ARHGAP26: variants seen among roughly 807,000 people sequenced by gnomAD.
The protein encoded by ARHGAP26 is Rho GTPase activating protein 26.
In ARHGAP26, 38 loss-of-function variants were observed where a neutral mutation model predicts 104.8. The observed-to-expected ratio is 0.36, with a 90% CI of 0.28 to 0.48. ARHGAP26 has a LOEUF of 0.48. Among genes scored for constraint, ARHGAP26 ranks in the 20% least tolerant of loss-of-function variants. The pLI, the probability that ARHGAP26 is intolerant of heterozygous loss-of-function variation, is 0.99. For synonymous variants in ARHGAP26, 341 were observed against 340.0 expected (o/e 1.00, Z -0.03); for missense variants, 704 against 947.9 (o/e 0.74, Z 3.38).
chr5:143,105,804 C>T (rs1239806406), intron 17 of ARHGAP26, among the ~76,000 whole-genome samples: 4 of 152,148 alleles, frequency 2.6e-5, no homozygotes, highest in African/African-American at 4.8e-5. Flanking sequence ...TGCACCGGGG[C>T]GTTATGGGAA....
chr5:142,862,118 T>G (rs1045927551), intron 1 of ARHGAP26, among the ~76,000 whole-genome samples: 3 of 152,170 alleles, frequency 2.0e-5, no homozygotes, highest in Admixed American at 6.5e-5. Context: ...TGTTCTTTGC[T>G]AGAGAAAGCT....
At chr5:143,165,227 G>C (rs942143665) in intron 20 of ARHGAP26, 2 of 152,242 alleles carry the variant, frequency 1.3e-5, no homozygotes, top group Non-Finnish European at 2.9e-5. Flanking sequence ...AGCTGGGGTC[G>C]AATCAGGGCC....
chr5:143,009,873 T>G (rs1418597654), intron 11 of ARHGAP26, among the ~76,000 whole-genome samples: 2 of 152,214 alleles, frequency 1.3e-5, no homozygotes, highest in Non-Finnish European at 2.9e-5. Context: ...TGTTTCAGTC[T>G]TCTGAGGAGC....
Position 143,193,240 on chromosome 5 carries a change from C to CTTTTTTTTTTTTTTTT in ARHGAP26, c.1989-13948_1989-13933dup, listed in dbSNP as rs57462040. Among the ~76,000 whole-genome samples the CTTTTTTTTTTTTTTTT allele has an allele frequency of 5.4e-5, 4 of 74,622 alleles. 1 individual carries two copies. The highest frequency in any genetic ancestry group is 1.8e-4 in the African/African-American group (3 of 16,906). The allele number at this position is 74,622 out of a possible 152,430, so 49.0% of individuals were successfully genotyped here. ...GGTATTACAGTGCTTATTTTCTTTTCTTTTTTTTTTTTTTTTTTTTTTTTT... is the reference window on the plus strand; with the variant it reads ...GGTATTACAGTGCTTATTTTCTTTTCTTTTTTTTTTTTTTTTTTTTTTTTTTTTTTTTTTTTTTTTT... On this transcript the variant is annotated intron_variant, in intron 20 of 22. Transcript: ENST00000645722.
At chr5:142,844,711 C>G (rs569908324) in intron 1 of ARHGAP26, among the ~76,000 whole-genome samples, 4 of 151,934 alleles carry the variant, frequency 2.6e-5, no homozygotes, top group African/African-American at 9.7e-5. Context: ...AAAAATTAGC[C>G]GGGCCTGGTG....
At chr5:142,793,376 C>T (rs1414037291) in intron 1 of ARHGAP26, among the ~76,000 whole-genome samples, 1 of 148,526 alleles carries the variant, frequency 6.7e-6, no homozygotes, top group African/African-American at 2.5e-5. Flanking sequence ...GTTTTAGTCT[C>T]ACTGGTCCCA....
intron 19 of ARHGAP26, among the ~76,000 whole-genome samples, chr5:143,143,501 C>T (rs566501623): frequency 3.9e-4 from 59 of 152,176 alleles, no homozygotes; most frequent in Admixed American, 6.5e-4. Context: ...CATGTTTTTC[C>T]GTTCCTGATT....
chr5:143,057,722 C>T lies in ARHGAP26; in HGVS notation c.1513C>T (p.Gln505Ter), dbSNP rs761318223. The stretch of plus-strand genomic sequence containing the variant: ...CCCAGAGAAAAATCGGCAGATGTTA[C>T]AGCTGCTCATGAACCACTTGGCAAA... Reference protein sequence around the residue: ...RLPEKNRQMLQLLMNHLANVA... With the variant: ...RLPEKNRQML The change falls in exon 17 of 23, where the codon CAG (glutamine) becomes TAG (stop). Residue 505 changes from glutamine (Q) to a stop codon, truncating the protein, a stop_gained. Coordinates refer to ENST00000645722, the MANE Select transcript of ARHGAP26 (RefSeq NM_001135608.3). LOFTEE classifies it high-confidence loss of function. The T allele has an allele frequency of 1.9e-6, 3 of 1,613,970 alleles. No individual in the cohort carries two copies. Among genetic ancestry groups the T allele is most frequent in the Non-Finnish European group, 2.5e-6 (3 of 1,179,880 alleles).
At chr5:142,906,331 C>T (rs1366699843) in intron 8 of ARHGAP26, among the ~76,000 whole-genome samples, 3 of 152,222 alleles carry the variant, frequency 2.0e-5, no homozygotes, top group East Asian at 3.9e-4. Flanking sequence ...CTCCTTATCA[C>T]ACTTTACCTC....
chr5:143,181,177 A>C (rs551850858), intron 20 of ARHGAP26, among the ~76,000 whole-genome samples: 1 of 152,290 alleles, frequency 6.6e-6, no homozygotes, highest in East Asian at 1.9e-4. Context: ...TTGTTCTACC[A>C]TGCAAGCTTG....
At chr5:142,965,058 G>A (rs1244381587) in intron 11 of ARHGAP26, among the ~76,000 whole-genome samples, 2 of 152,220 alleles carry the variant, frequency 1.3e-5, no homozygotes, top group East Asian at 1.9e-4. Context: ...CTGCCTGGCA[G>A]CCAAGGCAGA....
chr5:143,065,212 T>C (rs1345656396), intron 17 of ARHGAP26, among the ~76,000 whole-genome samples: 6 of 152,194 alleles, frequency 3.9e-5, no homozygotes, highest in African/African-American at 1.4e-4. Context: ...TTAGATTTCT[T>C]ATACATTGGC....
At chr5:142,927,419 G>A (rs1429060059) in intron 10 of ARHGAP26, among the ~76,000 whole-genome samples, 1 of 151,888 alleles carries the variant, frequency 6.6e-6, no homozygotes, top group Non-Finnish European at 1.5e-5. Flanking sequence ...GAGTCACACA[G>A]TCACATAATC....
chr5:143,201,499 G>C (rs542155680), intron 20 of ARHGAP26, among the ~76,000 whole-genome samples: 1 of 152,180 alleles, frequency 6.6e-6, no homozygotes, highest in Non-Finnish European at 1.5e-5. Context: ...TTTGGGTTTG[G>C]TGAGGGGCAG....
At chr5:142,948,394 T>C (rs904781375) in intron 11 of ARHGAP26, among the ~76,000 whole-genome samples, 25 of 140,584 alleles carry the variant, frequency 1.8e-4, no homozygotes, top group African/African-American at 6.8e-4. Context: ...TGACTATACG[T>C]ACTTGTGTGT....
rs554121754 is a variant in ARHGAP26, at chr5:142,826,082, G to C, written c.155-47318G>C. ...ATTGATAGAATTAGAACATCTTTCT[G>C]TCTCACGAGAGTGTTAATGACCAGT... On this transcript the variant is annotated intron_variant, in intron 1 of 22. Transcript: ENST00000645722. Among the ~76,000 whole-genome samples the C allele has an allele frequency of 1.1e-4, 16 of 152,324 alleles. 1 individual carries two copies. In the South Asian group the frequency reaches 3.1e-3, roughly 30 times the overall value.
intron 20 of ARHGAP26, among the ~76,000 whole-genome samples, chr5:143,161,985 T>G (rs1243359231): frequency 6.6e-6 from 1 of 152,088 alleles, no homozygotes; most frequent in Non-Finnish European, 1.5e-5. Flanking sequence ...GAGAATGAAA[T>G]TGGCAAGTCT....
At chr5:143,043,220 C>T (rs1027096771) in intron 14 of ARHGAP26, among the ~76,000 whole-genome samples, 4 of 152,188 alleles carry the variant, frequency 2.6e-5, no homozygotes. Flanking sequence ...CTGTGCCTAA[C>T]CCCTGGCGAT....
chr5:142,866,416 G>A (rs1754293361), intron 1 of ARHGAP26, among the ~76,000 whole-genome samples: 1 of 152,144 alleles, frequency 6.6e-6, no homozygotes, highest in Non-Finnish European at 1.5e-5. Context: ...CAAAATGGAG[G>A]TAATAATATC....
Sources: allele counts gnomAD v4.1 joint callset (sites outside exome capture counted in the v4.1 genomes callset), GRCh38; gene constraint gnomAD v4.1.1; transcripts MANE v1.5; gene names NCBI Gene and HGNC (gene_info 2026-07-23, HGNC 2026-07-21).